The following EML2 variants were observed in gnomAD, a reference collection of about 807,000 sequenced individuals.
EML2 encodes the protein EMAP like 2.
EML2 carries 59 observed loss-of-function variants against 84.7 expected under a neutral mutation model. The ratio of observed to expected loss-of-function variants is 0.70; its 90% CI spans 0.56 to 0.86. The LOEUF is 0.86. Among genes scored for constraint, EML2 ranks in the 40% least tolerant of loss-of-function variants. EML2 has a pLI of 0.00. For synonymous variants in EML2, 352 were observed against 348.9 expected (o/e 1.01, Z -0.10); for missense variants, 818 against 855.6 (o/e 0.96, Z 0.55).
At chr19:45,621,133 G>C (rs918003384) in intron 11 of EML2, 74 bp downstream of exon 11, 2 of 1,559,918 alleles carry the variant, frequency 1.3e-6, no homozygotes, top group Non-Finnish European at 1.7e-6. Flanking sequence ...GAGTGGGGAG[G>C]GGGAGTGGAT....
chr19:45,632,396 C>T (rs1973159303), intron 6 of EML2: 1 of 159,940 alleles, frequency 6.3e-6, no homozygotes, highest in African/African-American at 2.4e-5. Flanking sequence ...CTAGGCTGGT[C>T]TCAAACTCCT....
chr19:45,645,243 G>A, upstream of EML2: 1 of 1,529,492 alleles, frequency 6.5e-7, no homozygotes, highest in Non-Finnish European at 8.7e-7. Context: ...CTTGGGCGGG[G>A]CCAAGGTCGG....
At chr19:45,632,710 T>C in intron 6 of EML2, 151 bp downstream of exon 6, 2 of 659,320 alleles carry the variant, frequency 3.0e-6, no homozygotes, top group South Asian at 3.8e-5. Context: ...CCCCTTGGGG[T>C]GAGGACACGC....
At chr19:45,612,997 A>C (rs1344916259) in intron 18 of EML2, among the ~76,000 whole-genome samples, 1 of 152,012 alleles carries the variant, frequency 6.6e-6, no homozygotes, top group Non-Finnish European at 1.5e-5. Context: ...TCCTGGGCTC[A>C]AGCAATCCTC....
chr19:45,632,528 T>C (rs1038866786), intron 6 of EML2: 6 of 245,256 alleles, frequency 2.4e-5, no homozygotes, highest in African/African-American at 1.4e-4. Context: ...CACTTGGATG[T>C]TGTGGTGTTG....
At position 45,609,543 on chromosome 19, in the gene EML2, T is replaced by TC; in HGVS notation, c.*119dup. The stretch of plus-strand genomic sequence containing the variant: ...GAGACTTCTGTATGTCAGTCTACCC[T>TC]CCCGCCCCCATAACCCCCTCTGCTA... On this transcript the variant is annotated 3_prime_UTR_variant, in exon 19 of 19. Coordinates refer to ENST00000245925, the MANE Select transcript of EML2 (RefSeq NM_012155.4). 1.6e-5 allele frequency: 10 copies of TC among 643,774 alleles called. No homozygotes were observed. Among genetic ancestry groups the TC allele is most frequent in the South Asian group, 3.0e-5 (1 of 32,938 alleles). The allele number at this position is 643,774 out of a possible 1,614,324, so 39.9% of individuals were successfully genotyped here.
At chr19:45,625,182 C>T (rs931642936) in intron 8 of EML2, among the ~76,000 whole-genome samples, 3 of 152,208 alleles carry the variant, frequency 2.0e-5, no homozygotes, top group Non-Finnish European at 2.9e-5. Context: ...TCTCCTGCCT[C>T]AGCCTCCCAA....
chr19:45,644,582 C>A, upstream of EML2: 1 of 421,792 alleles, frequency 2.4e-6, no homozygotes, highest in Non-Finnish European at 4.9e-6. Flanking sequence ...CTCCACCATC[C>A]CCATCCCTGT....
chr19:45,644,573 T>C, upstream of EML2: 1 of 405,908 alleles, frequency 2.5e-6, no homozygotes, highest in Non-Finnish European at 5.1e-6. Context: ...CCCCCACACC[T>C]CCACCATCCC....
At chr19:45,639,170 T>C in intron 1 of EML2, 187 bp downstream of exon 1, 1 of 687,514 alleles carries the variant, frequency 1.5e-6, no homozygotes, top group Non-Finnish European at 2.4e-6. Context: ...AGCAAGGTGC[T>C]CCCCAGCGCC....
At chr19:45,633,840 A>G (rs1177313120) in intron 4 of EML2, among the ~76,000 whole-genome samples, 1 of 152,142 alleles carries the variant, frequency 6.6e-6, no homozygotes, top group Non-Finnish European at 1.5e-5. Context: ...CAACTCCTGG[A>G]CTTCAGCGAT....
intron 7 of EML2, among the ~76,000 whole-genome samples, chr19:45,627,660 C>T (rs544246149): frequency 6.6e-6 from 1 of 152,370 alleles, no homozygotes; most frequent in Non-Finnish European, 1.5e-5. Flanking sequence ...TGGAGCTCCT[C>T]TCCTCTGCCC....
chr19:45,643,805 G>A (rs903461702), upstream of EML2: 12 of 1,449,882 alleles, frequency 8.3e-6, no homozygotes, highest in African/African-American at 1.4e-5. Context: ...CCCACTCAGC[G>A]CCTCCCAGGT....
At chr19:45,618,533 CCT>C (rs1971341410) in intron 12 of EML2, among the ~76,000 whole-genome samples, 1 of 152,086 alleles carries the variant, frequency 6.6e-6, no homozygotes, top group Admixed American at 6.6e-5. Context: ...TGGCGGCACC[CCT>C]GACAGGATGG....
intron 14 of EML2, 59 bp from the exon 15 acceptor site, chr19:45,616,617 A>G: frequency 1.4e-6 from 2 of 1,464,644 alleles, no homozygotes; most frequent in Non-Finnish European, 1.9e-6. Flanking sequence ...CTCCTCGCCC[A>G]GACTCAGCCC....
At chr19:45,615,664 G>A in intron 16 of EML2, 138 bp downstream of exon 16, 1 of 690,378 alleles carries the variant, frequency 1.4e-6, no homozygotes, top group Non-Finnish European at 2.5e-6. Flanking sequence ...AGAAGCCAGC[G>A]GTCCCTAAAT....
At chr19:45,644,668 C>T (rs1333274321), upstream of EML2, 1 of 455,976 alleles carries the variant, frequency 2.2e-6, no homozygotes, top group South Asian at 1.5e-5. Flanking sequence ...TCACTTCCCA[C>T]TTTTCCCTCC....
chr19:45,627,101 A>T (rs1167451904), intron 7 of EML2, among the ~76,000 whole-genome samples: 1 of 151,816 alleles, frequency 6.6e-6, no homozygotes, highest in Non-Finnish European at 1.5e-5. Flanking sequence ...CTGGTATTAC[A>T]GGCAGGTGCT....
intron 11 of EML2, among the ~76,000 whole-genome samples, chr19:45,620,116 T>C (rs548647296): frequency 6.6e-6 from 1 of 152,212 alleles, no homozygotes; most frequent in South Asian, 2.1e-4. Flanking sequence ...TTAATATTTA[T>C]AACAAATTTT....
Sources: allele counts gnomAD v4.1 joint callset (sites outside exome capture counted in the v4.1 genomes callset), GRCh38; gene constraint gnomAD v4.1.1; transcripts MANE v1.5; gene names NCBI Gene and HGNC (gene_info 2026-07-23, HGNC 2026-07-21).